The following RALYL variants were observed in gnomAD, a reference collection of about 807,000 sequenced individuals.
The protein encoded by RALYL is RALY RNA binding protein like, also known as RNA-binding Raly-like protein.
A neutral mutation model predicts 35.1 loss-of-function variants in RALYL; 29 were observed. The observed-to-expected ratio is 0.83, with a 90% CI of 0.61 to 1.13. The LOEUF is 1.13. RALYL is among the 50% of genes most tolerant of loss of function. RALYL has a pLI of 0.00. For missense variants in RALYL, 359 were observed against 360.4 expected (o/e 1.00, Z 0.03); for synonymous variants, 120 against 127.6 (o/e 0.94, Z 0.40).
At chr8:84,820,650 A>C (rs1324477045) in intron 4 of RALYL, among the ~76,000 whole-genome samples, 1 of 152,080 alleles carries the variant, frequency 6.6e-6, no homozygotes, top group Admixed American at 6.6e-5. Context: ...CCTGTCATCT[A>C]GGTTTTAAGT....
intron 1 of RALYL, among the ~76,000 whole-genome samples, chr8:84,355,019 A>G (rs1015869997): frequency 6.6e-6 from 1 of 150,482 alleles, no homozygotes; most frequent in Non-Finnish European, 1.5e-5. Flanking sequence ...GTAAAATCAC[A>G]GTAATAATTT....
chr8:84,910,173 C>T (rs1587162740), intron 8 of RALYL, among the ~76,000 whole-genome samples: 2 of 152,062 alleles, frequency 1.3e-5, no homozygotes, highest in Admixed American at 1.3e-4. Flanking sequence ...ATGACACTTG[C>T]AATTACAATC....
intron 1 of RALYL, among the ~76,000 whole-genome samples, chr8:84,478,653 G>A (rs910461834): frequency 5.3e-5 from 8 of 152,042 alleles, no homozygotes; most frequent in Admixed American, 2.0e-4. Context: ...CTATTTTAGT[G>A]AGTATTCCAC....
chr8:84,244,501 T>C (rs566786307), intron 1 of RALYL, among the ~76,000 whole-genome samples: 4 of 152,298 alleles, frequency 2.6e-5, no homozygotes, highest in African/African-American at 9.6e-5. Flanking sequence ...TCCTTCCAGT[T>C]TTCAATGTCA....
chr8:84,905,525 A>G (rs1846343540), intron 8 of RALYL, among the ~76,000 whole-genome samples: 1 of 152,064 alleles, frequency 6.6e-6, no homozygotes. Flanking sequence ...TGGCTGCATT[A>G]TATTGCATTC....
chr8:84,226,132 G>A (rs1823816819), intron 1 of RALYL, among the ~76,000 whole-genome samples: 1 of 152,166 alleles, frequency 6.6e-6, no homozygotes, highest in African/African-American at 2.4e-5. Flanking sequence ...CAGATCAGCA[G>A]TGGCATTAGA....
intron 1 of RALYL, among the ~76,000 whole-genome samples, chr8:84,430,431 T>C (rs2047020308): frequency 6.6e-6 from 1 of 152,176 alleles, no homozygotes; most frequent in African/African-American, 2.4e-5. Flanking sequence ...TCAAATACAA[T>C]TGTACTTTTC....
intron 4 of RALYL, among the ~76,000 whole-genome samples, chr8:84,845,208 C>T (rs895965757): frequency 6.6e-6 from 1 of 152,072 alleles, no homozygotes; most frequent in African/African-American, 2.4e-5. Flanking sequence ...ACTTTTATTC[C>T]ATGAAAATGA....
chr8:84,247,887 G>A (rs1352823), intron 1 of RALYL, among the ~76,000 whole-genome samples: 70,487 of 151,754 alleles, frequency 0.46, 16,531 homozygotes, highest in East Asian at 0.53. Context: ...ATTAATTTGT[G>A]TGTCTTCAGA....
intron 1 of RALYL, among the ~76,000 whole-genome samples, chr8:84,406,524 A>G (rs529116055): frequency 6.6e-6 from 1 of 152,058 alleles, no homozygotes; most frequent in South Asian, 2.1e-4. Context: ...ATTCAAATAT[A>G]TTGTGGATCA....
chr8:84,293,228 A>C (rs1839102846), intron 1 of RALYL, among the ~76,000 whole-genome samples: 1 of 152,140 alleles, frequency 6.6e-6, no homozygotes, highest in South Asian at 2.1e-4. Flanking sequence ...AATAGGAAGA[A>C]AAAGAGAGCG....
intron 1 of RALYL, among the ~76,000 whole-genome samples, chr8:84,196,212 G>A (rs1175786132): frequency 6.6e-6 from 1 of 152,020 alleles, no homozygotes; most frequent in African/African-American, 2.4e-5. Flanking sequence ...ATAATTGCTG[G>A]ATCTTTTTCC....
intron 1 of RALYL, among the ~76,000 whole-genome samples, chr8:84,302,066 G>A (rs1171769190): frequency 1.3e-5 from 2 of 152,118 alleles, no homozygotes; most frequent in African/African-American, 4.8e-5. Context: ...ATTAACCAAT[G>A]CAATAATAGT....
chr8:84,486,964 G>T (rs1216476880), intron 1 of RALYL, among the ~76,000 whole-genome samples: 1 of 151,990 alleles, frequency 6.6e-6, no homozygotes, highest in African/African-American at 2.4e-5. Context: ...CCAAGGGGGA[G>T]TTGCTGACCT....
At chr8:84,240,911 CAG>C (rs1827706426) in intron 1 of RALYL, among the ~76,000 whole-genome samples, 1 of 152,078 alleles carries the variant, frequency 6.6e-6, no homozygotes, top group African/African-American at 2.4e-5. Flanking sequence ...GGTTTATAAA[CAG>C]AGTCAGCAGA....
chr8:84,555,728 C>T (rs2061067655), intron 2 of RALYL, among the ~76,000 whole-genome samples: 1 of 151,890 alleles, frequency 6.6e-6, no homozygotes, highest in African/African-American at 2.4e-5. Context: ...TAGAAACAGC[C>T]CCATTCTCAC....
At chr8:84,238,078 A>G (rs1827002034) in intron 1 of RALYL, among the ~76,000 whole-genome samples, 1 of 152,158 alleles carries the variant, frequency 6.6e-6, no homozygotes, top group Admixed American at 6.5e-5. Context: ...TAATAACCGT[A>G]ATGTTAAGCT....
intron 2 of RALYL, among the ~76,000 whole-genome samples, chr8:84,648,136 G>A (rs571990881): frequency 4.0e-5 from 6 of 151,880 alleles, no homozygotes; most frequent in South Asian, 2.1e-4. Flanking sequence ...ACACACACAC[G>A]ACATTGCCGC....
chr8:84,720,796 A>G (rs534450227), intron 2 of RALYL, among the ~76,000 whole-genome samples: 1 of 152,238 alleles, frequency 6.6e-6, no homozygotes, highest in South Asian at 2.1e-4. Context: ...TCAATAGCAA[A>G]AAAAAACAAT....
Sources: gnomAD v4.1 joint callset for allele counts (sites outside exome capture counted in the v4.1 genomes callset) on GRCh38, gnomAD v4.1.1 for gene constraint, MANE v1.5 for transcripts, NCBI Gene and HGNC (gene_info 2026-07-23, HGNC 2026-07-21) for gene names.